The following OSBPL11 variants were observed in gnomAD, a reference collection of about 807,000 sequenced individuals.
OSBPL11 encodes the protein oxysterol-binding protein-related protein 11.
In OSBPL11, 33 loss-of-function variants were observed where a neutral mutation model predicts 84.4. The ratio of observed to expected loss-of-function variants is 0.39; its 90% CI spans 0.30 to 0.52. The LOEUF (loss-of-function observed/expected upper bound fraction) is 0.52. OSBPL11 is among the 20% of genes least tolerant of loss of function. The probability of loss-of-function intolerance (pLI) is 0.72; values close to 1 mark genes in which losing one functional copy is unlikely to be tolerated. For synonymous variants in OSBPL11, 276 were observed against 310.2 expected (o/e 0.89, Z 1.16); for missense variants, 736 against 901.1 (o/e 0.82, Z 2.35).
At chr3:125,579,727 T>G in intron 3 of OSBPL11, 138 bp downstream of exon 3, 1 of 751,886 alleles carries the variant, frequency 1.3e-6, no homozygotes, top group Non-Finnish European at 2.2e-6. Context: ...TCAAAGCAGT[T>G]CCAAGGTTCA....
chr3:125,578,577 A>C (rs1421519405), intron 4 of OSBPL11, among the ~76,000 whole-genome samples: 1 of 152,168 alleles, frequency 6.6e-6, no homozygotes, highest in Non-Finnish European at 1.5e-5. Context: ...GTAAAGAAAC[A>C]ACTTTTTTTA....
At chr3:125,558,532 A>G (rs940681888) in intron 8 of OSBPL11, among the ~76,000 whole-genome samples, 1 of 152,200 alleles carries the variant, frequency 6.6e-6, no homozygotes, top group African/African-American at 2.4e-5. Flanking sequence ...GTTGGAAACA[A>G]TGTTTTAAAT....
intron 5 of OSBPL11, among the ~76,000 whole-genome samples, chr3:125,571,468 G>A (rs1190967739): frequency 6.6e-6 from 1 of 152,142 alleles, no homozygotes; most frequent in Non-Finnish European, 1.5e-5. Context: ...ATGTCTCCAG[G>A]GCATGCCAGA....
intron 8 of OSBPL11, among the ~76,000 whole-genome samples, chr3:125,560,018 T>C (rs143348557): frequency 0.046 from 6,919 of 151,840 alleles, 252 homozygotes; most frequent in Non-Finnish European, 0.06. Context: ...TCCCAGCTCT[T>C]TGGGAGGCCG....
chr3:125,591,869 G>A (rs1936599700), intron 1 of OSBPL11, among the ~76,000 whole-genome samples: 1 of 152,040 alleles, frequency 6.6e-6, no homozygotes, highest in Non-Finnish European at 1.5e-5. Context: ...TGGGCATGGT[G>A]GTGTACACCT....
chr3:125,531,268 G>A (rs1237805886), intron 12 of OSBPL11, among the ~76,000 whole-genome samples: 2 of 149,248 alleles, frequency 1.3e-5, no homozygotes, highest in East Asian at 2.0e-4. Flanking sequence ...GTGAGCCACC[G>A]CGCCAGGCCC....
chr3:125,552,351 A>G lies in OSBPL11; in HGVS notation c.1484T>C (p.Val495Ala). The G allele has an allele frequency of 6.2e-7, 1 of 1,613,966 alleles. No individual in the cohort carries two copies. Among genetic ancestry groups the G allele is most frequent in the South Asian group, 1.1e-5 (1 of 91,068 alleles). ...APLSGESLTQVGSDCYTVRFV... is the reference protein window; with the variant it reads ...APLSGESLTQAGSDCYTVRFV... ...TCTGACTGTGTAACAGTCTGATCCC[A>G]CCTGGGTCAAAGACTCCCCCGATAA... The change falls in exon 9 of 13, where the codon GTG becomes GCG. Residue 495 changes from valine (V) to alanine (A), a missense_variant. Physicochemically the swap from Val to Ala is moderately conservative, Grantham distance 64. Coordinates refer to ENST00000296220, the MANE Select transcript of OSBPL11 (RefSeq NM_022776.5).
At chr3:125,548,971 T>G (rs1435431256) in intron 9 of OSBPL11, among the ~76,000 whole-genome samples, 2 of 152,146 alleles carry the variant, frequency 1.3e-5, no homozygotes, top group African/African-American at 4.8e-5. Context: ...GTTCTGGCTA[T>G]ATTTATACAT....
At chr3:125,584,604 G>A (rs1294315625) in intron 1 of OSBPL11, among the ~76,000 whole-genome samples, 1 of 152,124 alleles carries the variant, frequency 6.6e-6, no homozygotes, top group African/African-American at 2.4e-5. Context: ...TCAAGTCATA[G>A]CCATTAGCAT....
intron 5 of OSBPL11, among the ~76,000 whole-genome samples, chr3:125,570,142 T>A (rs1936221690): frequency 6.6e-6 from 1 of 152,056 alleles, no homozygotes; most frequent in Non-Finnish European, 1.5e-5. Flanking sequence ...TTTCTTTGTG[T>A]AGAAGGCCCA....
intron 2 of OSBPL11, among the ~76,000 whole-genome samples, chr3:125,580,303 T>C (rs1936402843): frequency 6.6e-6 from 1 of 151,942 alleles, no homozygotes; most frequent in Non-Finnish European, 1.5e-5. Context: ...TCACCTGAGG[T>C]CAGGAGTTCG....
chr3:125,565,178 G>A (rs766190692), intron 6 of OSBPL11, among the ~76,000 whole-genome samples: 1 of 152,164 alleles, frequency 6.6e-6, no homozygotes, highest in African/African-American at 2.4e-5. Context: ...CTGGGAGGTT[G>A]AGCTGCAGTG....
In OSBPL11 at chr3:125,581,657, C is replaced by A. The variant is rs139193006; in HGVS notation, c.233+1253G>T. Among the ~76,000 whole-genome samples, 276 of 137,448 alleles carry A rather than the reference C, an allele frequency of 2.0e-3. 6 individuals carry two copies. Among genetic ancestry groups the A allele is most frequent in the East Asian group, 7.3e-3 (34 of 4,668 alleles). The allele number at this position is 137,448 out of a possible 152,430, so 90.2% of individuals were successfully genotyped here. ...GTTGCGGTGAGCTGAGATTGCACCA[C>A]TACACTGCAGCCTAGGTGACAGAGT... On this transcript the variant is annotated intron_variant, in intron 2 of 12. Coordinates refer to ENST00000296220, the MANE Select transcript of OSBPL11 (RefSeq NM_022776.5).
intron 6 of OSBPL11, among the ~76,000 whole-genome samples, chr3:125,564,280 C>T (rs1311294836): frequency 6.6e-6 from 1 of 152,204 alleles, no homozygotes; most frequent in Non-Finnish European, 1.5e-5. Flanking sequence ...CTCTCAGCAA[C>T]AATTGTCTAA....
At chr3:125,591,524 T>A (rs1025934919) in intron 1 of OSBPL11, among the ~76,000 whole-genome samples, 13 of 152,148 alleles carry the variant, frequency 8.5e-5, no homozygotes, top group African/African-American at 3.1e-4. Flanking sequence ...CATCAGTTCA[T>A]GAGGAACTGA....
At position 125,582,980 on chromosome 3, in the gene OSBPL11, T is replaced by A; in HGVS notation, c.165-2A>T. ...CCATACACATTTTCCATGTGATCAC[T>A]ATTTCAAAATGAAAAAGCCAAAGTT... On this transcript the variant is annotated splice_acceptor_variant, in intron 1 of 12. Coordinates refer to ENST00000296220, the MANE Select transcript of OSBPL11 (RefSeq NM_022776.5). LOFTEE classifies it high-confidence loss of function. The A allele has an allele frequency of 6.3e-7, 1 of 1,575,486 alleles. No homozygotes were observed. The highest frequency in any genetic ancestry group is 8.6e-7 in the Non-Finnish European group (1 of 1,168,884).
At chr3:125,570,331 A>AG (rs11377900) in intron 5 of OSBPL11, among the ~76,000 whole-genome samples, 1 of 38,994 alleles carries the variant, frequency 2.6e-5, no homozygotes, top group Admixed American at 2.4e-4. Context: ...CATCTCTAGC[A>AG]AAAAAAAAAA....
Position 125,582,923 on chromosome 3 carries a change from C to T in OSBPL11, c.220G>A (p.Gly74Arg). ...YLMKYTNLVT[G>R]WQYRFFVLNN... Reference sequence around the variant, plus strand: ...AATCACACTTACCTGTACTGCCACCCAGTGACAAGGTTGGTATACTTCATT... The same window carrying T: ...AATCACACTTACCTGTACTGCCACCTAGTGACAAGGTTGGTATACTTCATT... The change falls in exon 2 of 13, where the codon GGG becomes AGG. Residue 74 changes from glycine to arginine, a missense_variant. Transcript: ENST00000296220. 1 of 1,597,914 alleles carries T rather than the reference C, an allele frequency of 6.3e-7. No homozygotes were observed. The highest frequency in any genetic ancestry group is 1.4e-5 in the African/African-American group (1 of 73,734).
intron 9 of OSBPL11, among the ~76,000 whole-genome samples, chr3:125,551,725 C>T (rs1026287304): frequency 5.9e-5 from 9 of 151,666 alleles, no homozygotes; most frequent in Non-Finnish European, 1.2e-4. Flanking sequence ...TTGCAGTGAG[C>T]GGAGATAGCA....
Sources: gnomAD v4.1 joint callset for allele counts (sites outside exome capture counted in the v4.1 genomes callset) on GRCh38, gnomAD v4.1.1 for gene constraint, MANE v1.5 for transcripts, NCBI Gene and HGNC (gene_info 2026-07-23, HGNC 2026-07-21) for gene names.